Variants in AMZ1 observed in about 807,000 individuals in gnomAD.
The protein encoded by AMZ1 is archaemetzincin-1.
Under a neutral mutation model 29.9 loss-of-function variants are expected in AMZ1, and 39 were observed. The observed-to-expected ratio is 1.30, with a 90% CI of 1.01 to 1.70. The LOEUF (loss-of-function observed/expected upper bound fraction) is 1.70, where lower values mean the gene tolerates loss of function less well. Among genes scored for constraint, AMZ1 ranks in the 40% most tolerant of loss-of-function variants. The pLI is 0.00. For missense variants in AMZ1, 1,041 were observed against 680.6 expected, an observed-to-expected ratio of 1.53 and a Z score of -5.89; for synonymous variants, 458 against 304.0, an observed-to-expected ratio of 1.51 and a Z score of -5.27.
At chr7:2,692,818 CTCCTGCGCGATGTGTCCCCATCT>C (rs1787480426) in intron 1 of AMZ1, among the ~76,000 whole-genome samples, 1 of 152,192 alleles carries the variant, frequency 6.6e-6, no homozygotes, top group Admixed American at 6.5e-5. Flanking sequence ...AGCCTCCCGG[CTCCTGCGCGATGTGTCCCCATCT>C]TCCCCCAATC....
rs946896160 is a variant in AMZ1 at position 2,717,325 on chromosome 7, G to C, written c.*4447G>C. Among the ~76,000 whole-genome samples the C allele has an allele frequency of 6.6e-6, 1 of 152,254 alleles. No homozygotes were observed. Among genetic ancestry groups the C allele is most frequent in the African/African-American group, 2.4e-5 (1 of 41,474 alleles). Reference sequence around the variant, plus strand: ...CGACGGGGCTCATAGACCTGAACTGGGTCTGCCTGCCTGTGTGCTGGAAGC... The same window carrying C: ...CGACGGGGCTCATAGACCTGAACTGCGTCTGCCTGCCTGTGTGCTGGAAGC... On this transcript the variant is annotated 3_prime_UTR_variant, in exon 7 of 7. Coordinates refer to ENST00000683327, the MANE Select transcript of AMZ1 (RefSeq NM_001384743.1).
chr7:2,744,719 C>T (rs944058032), intron 4 of AMZ1, among the ~76,000 whole-genome samples: 2 of 152,112 alleles, frequency 1.3e-5, no homozygotes, highest in African/African-American at 4.8e-5. Context: ...TCAAACTACT[C>T]TGAGCTACAG....
At position 2,715,903 on chromosome 7, in the gene AMZ1, A is replaced by C. The variant is rs933879937; in HGVS notation, c.*3025A>C. On this transcript the variant is annotated 3_prime_UTR_variant, in exon 7 of 7. Coordinates refer to ENST00000683327, the MANE Select transcript of AMZ1 (RefSeq NM_001384743.1). The stretch of plus-strand genomic sequence containing the variant: ...AGAGATGATGGTTTCCAAGACACAC[A>C]GGGCCACGGTTCTTTCAGTTTTTAA... The C allele has an allele frequency of 7.2e-6, 1 of 139,500 alleles. No homozygotes were observed. The highest frequency in any genetic ancestry group is 2.9e-5 in the African/African-American group (1 of 35,018). 8.6% of individuals were successfully genotyped at this position (139,500 alleles called of 1,614,324 possible).
Position 2,712,603 on chromosome 7 carries a change from G to A in AMZ1, c.1222G>A (p.Glu408Lys). The A allele has an allele frequency of 7.4e-6, 12 of 1,612,752 alleles. No individual in the cohort carries two copies. Among genetic ancestry groups the A allele is most frequent in the Non-Finnish European group, 9.3e-6 (11 of 1,179,794 alleles). The change falls in exon 7 of 7, where the codon GAA becomes AAA. Residue 408 changes from glutamate to lysine, a missense_variant. By Grantham distance (56) the Glu-to-Lys change is moderately conservative (BLOSUM62 1). Coordinates refer to ENST00000683327, the MANE Select transcript of AMZ1 (RefSeq NM_001384743.1). ...GGPAEAIKEH[E>K]RWLAMCIQAL... ...CCCTGCGGAGGCCATCAAGGAGCAT[G>A]AACGGTGGCTGGCCATGTGCATCCA... is the stretch of plus-strand genomic sequence containing the variant.
exon 1 of AMZ1, chr7:2,764,866 G>C (rs535699151): frequency 1.3e-5 from 2 of 152,344 alleles, no homozygotes; most frequent in African/African-American, 4.8e-5. Context: ...CTTAGTGAAT[G>C]AGGTCCTCAG....
rs1452623077 is a variant in AMZ1, at chr7:2,718,595, G to A, written c.*5717G>A. ...CTGACGGCTCCCGGGGGCAGTGTGG[G>A]GTCCAGTCTGAAGCCGACGCCCCTC... On this transcript the variant is annotated 3_prime_UTR_variant, in exon 7 of 7. Transcript: ENST00000683327. Among the ~76,000 whole-genome samples, 2 of 152,220 alleles carry A rather than the reference G, an allele frequency of 1.3e-5. No individual in the cohort carries two copies. The highest frequency in any genetic ancestry group is 3.9e-4 in the East Asian group (2 of 5,194).
At chr7:2,756,033 C>A (rs996993885) in intron 4 of AMZ1, among the ~76,000 whole-genome samples, 1 of 152,106 alleles carries the variant, frequency 6.6e-6, no homozygotes, top group Non-Finnish European at 1.5e-5. Flanking sequence ...AGAAGAACAA[C>A]GTTTTCATAA....
In AMZ1 at chr7:2,717,210, C is replaced by T. The variant is rs1789179172; in HGVS notation, c.*4332C>T. Among the ~76,000 whole-genome samples the T allele has an allele frequency of 1.3e-5, 2 of 152,228 alleles. No homozygotes were observed. Among genetic ancestry groups the T allele is most frequent in the South Asian group, 4.1e-4 (2 of 4,830 alleles). On this transcript the variant is annotated 3_prime_UTR_variant, in exon 7 of 7. Coordinates refer to ENST00000683327, the MANE Select transcript of AMZ1 (RefSeq NM_001384743.1). ...GAAAACACCCCCGTGATTGCTGGGG[C>T]TTCACTGATTTGTTTTGTTTATAAA...
intron 4 of AMZ1, 117 bp from the exon 5 acceptor site, chr7:2,708,958 A>G (rs1423855012): frequency 7.4e-7 from 1 of 1,348,890 alleles, no homozygotes; most frequent in African/African-American, 1.5e-5. Flanking sequence ...GCCTCCCAGG[A>G]CTGGTATGTC....
rs1789210150 is a variant in AMZ1, at chr7:2,717,689, TAAA to T, written c.*4814_*4816del. 6.6e-6 allele frequency among the ~76,000 whole-genome samples: 1 copy of T among 152,094 alleles called. No individual in the cohort carries two copies. Among genetic ancestry groups the T allele is most frequent in the Non-Finnish European group, 1.5e-5 (1 of 68,024 alleles). ...AAGAGCCCTGGCCTGCGAACGCTGTTAAAAACAGATGCAGATCGCGGGTGGAGA... is the reference window on the plus strand; with the variant it reads ...AAGAGCCCTGGCCTGCGAACGCTGTTAACAGATGCAGATCGCGGGTGGAGA... On this transcript the variant is annotated 3_prime_UTR_variant, in exon 7 of 7. Coordinates refer to ENST00000683327, the MANE Select transcript of AMZ1 (RefSeq NM_001384743.1).
upstream of AMZ1, among the ~76,000 whole-genome samples, chr7:2,684,437 G>A (rs767817434): frequency 1.6e-4 from 24 of 152,222 alleles, no homozygotes; most frequent in African/African-American, 2.7e-4. Context: ...GCAGGGCAAG[G>A]TGAAGCAGCT....
intron 3 of AMZ1, among the ~76,000 whole-genome samples, chr7:2,706,956 G>A (rs1788389030): frequency 6.6e-6 from 1 of 151,722 alleles, no homozygotes; most frequent in African/African-American, 2.4e-5. Context: ...TCCAGCCTGG[G>A]TGACAGAATG....
At chr7:2,726,434 G>A (rs1221022837) in intron 4 of AMZ1, among the ~76,000 whole-genome samples, 1 of 152,194 alleles carries the variant, frequency 6.6e-6, no homozygotes. Flanking sequence ...ACCTGTATGA[G>A]TTGGTGTCTC....
intron 3 of AMZ1, among the ~76,000 whole-genome samples, chr7:2,705,311 C>A (rs117268984): frequency 2.5e-4 from 38 of 152,296 alleles, no homozygotes; most frequent in African/African-American, 8.2e-4. Flanking sequence ...ACTCCCCCAC[C>A]CCAGAAACAG....
Position 2,717,397 on chromosome 7 carries a change from T to A in AMZ1, c.*4519T>A, listed in dbSNP as rs921601004. Reference sequence around the variant, plus strand: ...GCTGGCTTTGCAGCTCCAGTAAGAGTGAGAGACTCACGGGGGCCTGGCTGC... The same window carrying A: ...GCTGGCTTTGCAGCTCCAGTAAGAGAGAGAGACTCACGGGGGCCTGGCTGC... On this transcript the variant is annotated 3_prime_UTR_variant, in exon 7 of 7. Coordinates refer to ENST00000683327, the MANE Select transcript of AMZ1 (RefSeq NM_001384743.1). Among the ~76,000 whole-genome samples the A allele has an allele frequency of 1.3e-5, 2 of 151,942 alleles. No individual in the cohort carries two copies. Among genetic ancestry groups the A allele is most frequent in the South Asian group, 2.1e-4 (1 of 4,808 alleles).
intron 4 of AMZ1, among the ~76,000 whole-genome samples, chr7:2,742,075 G>A (rs953268211): frequency 1.3e-5 from 2 of 151,878 alleles, no homozygotes; most frequent in Non-Finnish European, 1.5e-5. Context: ...AGGCTAGAGT[G>A]CAGTGGGGCG....
intron 1 of AMZ1, among the ~76,000 whole-genome samples, chr7:2,682,694 G>A (rs1426602532): frequency 6.6e-6 from 1 of 152,146 alleles, no homozygotes; most frequent in Non-Finnish European, 1.5e-5. Context: ...GCCATACACG[G>A]CTCCCCTGCT....
At chr7:2,685,080 A>G (rs1052127752), upstream of AMZ1, among the ~76,000 whole-genome samples, 22 of 151,720 alleles carry the variant, frequency 1.5e-4, no homozygotes, top group East Asian at 1.8e-3. Flanking sequence ...TGTGTTAGCC[A>G]GGATGGTCTT....
At chr7:2,736,710 T>G (rs1562394217) in intron 4 of AMZ1, among the ~76,000 whole-genome samples, 1 of 152,188 alleles carries the variant, frequency 6.6e-6, no homozygotes, top group Non-Finnish European at 1.5e-5. Context: ...GAAGCACCTG[T>G]CACCCACACC....
Sources: allele counts gnomAD v4.1 joint callset (sites outside exome capture counted in the v4.1 genomes callset), GRCh38; gene constraint gnomAD v4.1.1; transcripts MANE v1.5; gene names NCBI Gene and HGNC (gene_info 2026-07-23, HGNC 2026-07-21).